Variants in UBE2D3 observed in about 807,000 individuals in gnomAD.
UBE2D3 encodes ubiquitin-conjugating enzyme E2 D3.
Under a neutral mutation model 22.8 loss-of-function variants are expected in UBE2D3, and 2 were observed. The observed-to-expected ratio is 0.09, with a 90% confidence interval of 0.04 to 0.28. UBE2D3 has a LOEUF of 0.28. UBE2D3 is among the 10% of genes least tolerant of loss of function. The pLI is 1.00. For synonymous variants in UBE2D3, 56 were observed against 60.4 expected (o/e 0.93, Z 0.34); for missense variants, 27 against 182.5 (o/e 0.15, Z 4.91).
chr4:102,818,481 G>A (rs527255846), intron 2 of UBE2D3, among the ~76,000 whole-genome samples: 5 of 152,268 alleles, frequency 3.3e-5, no homozygotes, highest in South Asian at 4.1e-4. Flanking sequence ...TTCTAAGCTA[G>A]GTAAATGAGA....
intron 1 of UBE2D3, among the ~76,000 whole-genome samples, chr4:102,856,655 C>G (rs1195037607): frequency 6.6e-6 from 1 of 152,198 alleles, no homozygotes; most frequent in Non-Finnish European, 1.5e-5. Context: ...TCTACTGTCT[C>G]TCCTCCTTTC....
chr4:102,804,929 C>T (rs960268399), intron 4 of UBE2D3, among the ~76,000 whole-genome samples: 6 of 152,178 alleles, frequency 3.9e-5, no homozygotes, highest in Non-Finnish European at 7.4e-5. Context: ...CAGTGATCCA[C>T]CCACCTTGGC....
At chr4:102,826,357 T>C in intron 2 of UBE2D3, 128 bp downstream of exon 2, 2 of 1,177,588 alleles carry the variant, frequency 1.7e-6, no homozygotes, top group East Asian at 2.3e-5. Flanking sequence ...GCGTTCTCCA[T>C]CCCCCCATGG....
intron 1 of UBE2D3, among the ~76,000 whole-genome samples, chr4:102,847,944 AC>A (rs376637711): frequency 6.6e-6 from 1 of 151,948 alleles, no homozygotes; most frequent in African/African-American, 2.4e-5. Context: ...ATGCCCCTTA[AC>A]CCACGTATGC....
intron 2 of UBE2D3, among the ~76,000 whole-genome samples, chr4:102,821,478 T>G (rs1729601580): frequency 6.6e-6 from 1 of 152,158 alleles, no homozygotes; most frequent in Admixed American, 6.5e-5. Flanking sequence ...TAATGCAGAT[T>G]AGGACCTTTA....
intron 2 of UBE2D3, among the ~76,000 whole-genome samples, chr4:102,816,790 AC>A (rs1321620810): frequency 6.6e-6 from 1 of 152,194 alleles, no homozygotes; most frequent in Non-Finnish European, 1.5e-5. Context: ...TGTTAATTTC[AC>A]CATCAAAACA....
intron 1 of UBE2D3, 95 bp downstream of exon 1, chr4:102,827,332 G>C (rs1730726039): frequency 1.0e-6 from 1 of 975,736 alleles, no homozygotes. Context: ...TAGGCTGGCC[G>C]CTCAAGCCGC....
intron 1 of UBE2D3, among the ~76,000 whole-genome samples, chr4:102,839,425 C>G (rs1269588615): frequency 6.6e-6 from 1 of 152,056 alleles, no homozygotes; most frequent in African/African-American, 2.4e-5. Context: ...CCGCTTGCCG[C>G]CACACCCAGC....
At chr4:102,823,721 A>C (rs748345680) in intron 2 of UBE2D3, among the ~76,000 whole-genome samples, 2 of 152,238 alleles carry the variant, frequency 1.3e-5, no homozygotes, top group Non-Finnish European at 2.9e-5. Context: ...CAGCTCGTTC[A>C]AATAAAGAAT....
intron 1 of UBE2D3, chr4:102,868,611 G>T (rs1733293762): frequency 2.1e-6 from 3 of 1,460,704 alleles, no homozygotes; most frequent in Admixed American, 1.7e-5. Flanking sequence ...TGGGTAGGGG[G>T]AGGATACTCA....
chr4:102,822,788 T>TAGCCTCTACTAAAAAAACAAAAAAATC (rs1489385459), intron 2 of UBE2D3, among the ~76,000 whole-genome samples: 2 of 151,772 alleles, frequency 1.3e-5, no homozygotes, highest in Admixed American at 6.6e-5. Context: ...ACAAAAAAAT[T>TAGCCTCTACTAAAAAAACAAAAAAATC]AGCCGGGGGT....
At chr4:102,848,006 A>G (rs1310939681) in intron 1 of UBE2D3, among the ~76,000 whole-genome samples, 1 of 152,126 alleles carries the variant, frequency 6.6e-6, no homozygotes, top group Non-Finnish European at 1.5e-5. Flanking sequence ...TTTATAGCCT[A>G]CTGCTCAAGG....
At chr4:102,827,368 C>A (rs936114869) in intron 1 of UBE2D3, 59 bp downstream of exon 1, 11 of 985,456 alleles carry the variant, frequency 1.1e-5, no homozygotes, top group South Asian at 4.7e-5. Context: ...CCCCTCTTAC[C>A]CGGCCGGCCA....
intron 1 of UBE2D3, among the ~76,000 whole-genome samples, chr4:102,852,205 C>A (rs1732393715): frequency 6.6e-6 from 1 of 152,228 alleles, no homozygotes; most frequent in Admixed American, 6.5e-5. Flanking sequence ...ATAGAAGCCA[C>A]ATATTCACAT....
At chr4:102,866,327 C>T (rs1172473884) in intron 1 of UBE2D3, among the ~76,000 whole-genome samples, 1 of 152,198 alleles carries the variant, frequency 6.6e-6, no homozygotes, top group African/African-American at 2.4e-5. Flanking sequence ...CAGCTATTCA[C>T]ATAAACTGCT....
At chr4:102,827,565 A>G, upstream of UBE2D3, 1 of 986,744 alleles carries the variant, frequency 1.0e-6, no homozygotes, top group African/African-American at 1.7e-5. Context: ...GCCAGCTGCC[A>G]CGCTCCGCCC....
In UBE2D3 at chr4:102,797,313, G is replaced by A. The variant is rs1181678922; in HGVS notation, c.*102C>T. 4.2e-6 allele frequency: 4 copies of A among 962,616 alleles called. No homozygotes were observed. Among genetic ancestry groups the A allele is most frequent in the Non-Finnish European group, 6.3e-6 (4 of 639,730 alleles). 59.6% of individuals were successfully genotyped at this position (962,616 alleles called of 1,614,324 possible). On this transcript the variant is annotated 3_prime_UTR_variant, in exon 8 of 8. Coordinates refer to ENST00000453744, the MANE Select transcript of UBE2D3 (RefSeq NM_181891.3). ...AACAAAAAATAAAATTAAAAAAGAT[G>A]AGGTCTGATAGGGGAGCAGCCGGAT...
At chr4:102,811,703 A>C in intron 2 of UBE2D3, 2 of 406,876 alleles carry the variant, frequency 4.9e-6, no homozygotes, top group South Asian at 3.5e-5. Flanking sequence ...AGAAAAGCTG[A>C]ACGTACTCAT....
At chr4:102,833,337 G>C (rs1578279249) in intron 1 of UBE2D3, among the ~76,000 whole-genome samples, 1 of 152,014 alleles carries the variant, frequency 6.6e-6, no homozygotes, top group South Asian at 2.1e-4. Flanking sequence ...GCTTTCAAGT[G>C]GCCAGGAAAA....
Sources: gnomAD v4.1 joint callset for allele counts (sites outside exome capture counted in the v4.1 genomes callset) on GRCh38, gnomAD v4.1.1 for gene constraint, MANE v1.5 for transcripts, NCBI Gene and HGNC (gene_info 2026-07-23, HGNC 2026-07-21) for gene names.